The following MBD5 variants were observed in gnomAD, a reference collection of about 807,000 sequenced individuals.
MBD5 encodes the protein methyl-CpG-binding domain protein 5.
In MBD5, 13 loss-of-function variants were observed where a neutral mutation model predicts 117.3. The ratio of observed to expected loss-of-function variants is 0.11; its 90% CI spans 0.07 to 0.18. The LOEUF is 0.18. Ranked by LOEUF, MBD5 falls within the 10% of genes least tolerant of loss-of-function variation. The pLI is 1.00. For missense variants in MBD5, 1,879 were observed against 2,093.8 expected (o/e 0.90, Z 2.00); for synonymous variants, 727 against 766.4 (o/e 0.95, Z 0.85).
intron 1 of MBD5, among the ~76,000 whole-genome samples, chr2:148,051,983 T>C (rs919933457): frequency 6.6e-6 from 1 of 152,026 alleles, no homozygotes; most frequent in Admixed American, 6.5e-5. Flanking sequence ...TCCTGGGCTT[T>C]TTATTTCTAT....
chr2:148,414,757 G>A (rs1352665903), intron 4 of MBD5, among the ~76,000 whole-genome samples: 1 of 152,116 alleles, frequency 6.6e-6, no homozygotes, highest in Non-Finnish European at 1.5e-5. Flanking sequence ...TTTAAAGTCT[G>A]TTTAGTATGA....
At chr2:148,088,067 A>G (rs1695841886) in intron 1 of MBD5, among the ~76,000 whole-genome samples, 1 of 152,164 alleles carries the variant, frequency 6.6e-6, no homozygotes, top group Non-Finnish European at 1.5e-5. Flanking sequence ...GAGAAATACA[A>G]AATGCACTGG....
rs186127774 is a variant in MBD5, at chr2:148,085,891, A to G, written c.-925+64207A>G. Among the ~76,000 whole-genome samples, 89 of 152,250 alleles carry G rather than the reference A, an allele frequency of 5.8e-4. 1 individual carries two copies. Among genetic ancestry groups the G allele is most frequent in the Middle Eastern group, 6.8e-3 (2 of 294 alleles). ...CAAAAAGATCTGGAGGGGAAAATCT[A>G]CTGTTTTATTTATAAGAAAATTTAC... On this transcript the variant is annotated intron_variant, in intron 1 of 13. Coordinates refer to ENST00000642680, the MANE Select transcript of MBD5 (RefSeq NM_001378120.1).
chr2:148,364,869 T>A (rs188512966), intron 4 of MBD5, among the ~76,000 whole-genome samples: 1 of 152,264 alleles, frequency 6.6e-6, no homozygotes, highest in East Asian at 1.9e-4. Context: ...ACAAAGAGAC[T>A]TAAACTGCCA....
intron 1 of MBD5, among the ~76,000 whole-genome samples, chr2:148,133,670 A>C (rs1343289923): frequency 6.6e-6 from 1 of 152,148 alleles, no homozygotes; most frequent in East Asian, 1.9e-4. Context: ...CTAAATACAA[A>C]AAATTAGCCA....
intron 4 of MBD5, among the ~76,000 whole-genome samples, chr2:148,422,000 T>G (rs1428593060): frequency 1.3e-5 from 2 of 152,166 alleles, no homozygotes; most frequent in African/African-American, 4.8e-5. Flanking sequence ...CAGTTGTGGG[T>G]GCAGCTTCAG....
At chr2:148,159,645 A>G (rs1312545496) in intron 1 of MBD5, among the ~76,000 whole-genome samples, 1 of 152,118 alleles carries the variant, frequency 6.6e-6, no homozygotes, top group Non-Finnish European at 1.5e-5. Flanking sequence ...TAGGTATAGC[A>G]TTATACTCAT....
chr2:148,212,165 A>G (rs1300901147), intron 2 of MBD5, among the ~76,000 whole-genome samples: 1 of 152,234 alleles, frequency 6.6e-6, no homozygotes, highest in Non-Finnish European at 1.5e-5. Flanking sequence ...AGTGTTGTAT[A>G]TCATTCACTA....
At chr2:148,329,710 G>C (rs935488050) in intron 3 of MBD5, among the ~76,000 whole-genome samples, 1 of 151,992 alleles carries the variant, frequency 6.6e-6, no homozygotes, top group Non-Finnish European at 1.5e-5. Flanking sequence ...GGCATAACCT[G>C]GAATGATTTG....
chr2:148,474,365 C>T (rs1280005290), intron 8 of MBD5, among the ~76,000 whole-genome samples: 2 of 152,058 alleles, frequency 1.3e-5, no homozygotes, highest in African/African-American at 4.8e-5. Flanking sequence ...ATTCCTTTGC[C>T]CTGCAGTTTT....
chr2:148,115,766 A>T (rs929999497), intron 1 of MBD5, among the ~76,000 whole-genome samples: 1 of 152,164 alleles, frequency 6.6e-6, no homozygotes, highest in African/African-American at 2.4e-5. Context: ...GTGTCATGTT[A>T]ACAAAGAACA....
intron 1 of MBD5, among the ~76,000 whole-genome samples, chr2:148,060,390 G>A (rs988497715): frequency 2.6e-5 from 4 of 151,056 alleles, no homozygotes; most frequent in African/African-American, 4.9e-5. Flanking sequence ...AAAAAAAAAA[G>A]AACAAATTTT....
intron 1 of MBD5, among the ~76,000 whole-genome samples, chr2:148,064,028 A>G (rs190482147): frequency 1.3e-4 from 19 of 151,738 alleles, no homozygotes; most frequent in Admixed American, 9.2e-4. Flanking sequence ...TGGTGGGACT[A>G]TAGCTTCTTA....
At chr2:148,110,719 A>T (rs1431511987) in intron 1 of MBD5, among the ~76,000 whole-genome samples, 3 of 150,752 alleles carry the variant, frequency 2.0e-5, no homozygotes, top group African/African-American at 7.3e-5. Context: ...TTTAGCTCTC[A>T]TCTTATTTGG....
chr2:148,479,222 C>A (rs1681066034), intron 8 of MBD5, among the ~76,000 whole-genome samples: 1 of 152,130 alleles, frequency 6.6e-6, no homozygotes, highest in African/African-American at 2.4e-5. Flanking sequence ...TTCAACTTCT[C>A]GAAATATCTG....
chr2:148,120,181 T>G (rs1425372514), intron 1 of MBD5, among the ~76,000 whole-genome samples: 1 of 152,158 alleles, frequency 6.6e-6, no homozygotes, highest in Non-Finnish European at 1.5e-5. Context: ...CCTAAAGTGC[T>G]GAGATTACAG....
At chr2:148,497,734 A>G (rs1363851215) in intron 11 of MBD5, among the ~76,000 whole-genome samples, 7 of 151,134 alleles carry the variant, frequency 4.6e-5, no homozygotes, top group Admixed American at 4.0e-4. Flanking sequence ...ACAATGAGCT[A>G]TGATCACACC....
At chr2:148,355,797 T>G (rs1703366536) in intron 4 of MBD5, among the ~76,000 whole-genome samples, 1 of 152,196 alleles carries the variant, frequency 6.6e-6, no homozygotes, top group African/African-American at 2.4e-5. Context: ...TTTAAAGTAG[T>G]TTTTTCTAAT....
intron 1 of MBD5, among the ~76,000 whole-genome samples, chr2:148,143,520 C>T (rs2105557854): frequency 6.6e-6 from 1 of 152,244 alleles, no homozygotes; most frequent in South Asian, 2.1e-4. Flanking sequence ...TACATGTGCA[C>T]AATGTGCAGG....
Sources: gnomAD v4.1 joint callset for allele counts (sites outside exome capture counted in the v4.1 genomes callset) on GRCh38, gnomAD v4.1.1 for gene constraint, MANE v1.5 for transcripts, NCBI Gene and HGNC (gene_info 2026-07-23, HGNC 2026-07-21) for gene names.